The following CYP4Z1 variants were observed in gnomAD, a reference collection of about 807,000 sequenced individuals.
CYP4Z1 encodes cytochrome P450 family 4 subfamily Z member 1.
CYP4Z1 carries 41 observed loss-of-function variants against 54.2 expected under a neutral mutation model. The ratio of observed to expected loss-of-function variants is 0.76; its 90% CI spans 0.59 to 0.98. The LOEUF (loss-of-function observed/expected upper bound fraction) is 0.98. Among genes scored for constraint, CYP4Z1 ranks in the 50% least tolerant of loss-of-function variants. The pLI, the probability that CYP4Z1 is intolerant of heterozygous loss-of-function variation, is 0.00. For synonymous variants in CYP4Z1, 163 were observed against 206.2 expected (o/e 0.79, Z 1.79); for missense variants, 513 against 599.0 (o/e 0.86, Z 1.50).
chr1:47,062,988 C>T (rs1422535127), upstream of CYP4Z1, among the ~76,000 whole-genome samples: 1 of 152,230 alleles, frequency 6.6e-6, no homozygotes, highest in Admixed American at 6.5e-5. Flanking sequence ...GTCCACCTCA[C>T]CCCTCTGCTA....
chr1:47,060,015 A>T, the CYP4Z1 span, among the ~76,000 whole-genome samples: 1 of 152,212 alleles, frequency 6.6e-6, no homozygotes, highest in African/African-American at 2.4e-5. Context: ...AGTATGGCCA[A>T]GTTATGCTTG....
chr1:47,096,683 C>CA (rs1644679896), intron 7 of CYP4Z1: 1 of 149,158 alleles, frequency 6.7e-6, no homozygotes, highest in Admixed American at 6.7e-5. Context: ...GGCTGGAGTG[C>CA]AGTGGCGCGA....
intron 6 of CYP4Z1, among the ~76,000 whole-genome samples, chr1:47,089,362 G>A (rs551058479): frequency 1.1e-4 from 17 of 151,932 alleles, no homozygotes; most frequent in African/African-American, 4.1e-4. Context: ...TGCAGGATGT[G>A]CAGGATACGG....
intron 2 of CYP4Z1, among the ~76,000 whole-genome samples, chr1:47,079,940 T>G (rs61784347): frequency 6.0e-5 from 9 of 149,624 alleles, no homozygotes; most frequent in Non-Finnish European, 8.8e-5. Flanking sequence ...TTCTTACCCT[T>G]AGAACTCAAG....
chr1:47,061,705 C>T, the CYP4Z1 span, among the ~76,000 whole-genome samples: 1 of 152,108 alleles, frequency 6.6e-6, no homozygotes, highest in Non-Finnish European at 1.5e-5. Context: ...ATCCTGGTAC[C>T]AAAACCTGGC....
intron 11 of CYP4Z1, 88 bp downstream of exon 11, chr1:47,116,820 G>C: frequency 3.2e-6 from 3 of 935,038 alleles, no homozygotes; most frequent in Non-Finnish European, 4.9e-6. Context: ...TCAGTTAGCT[G>C]ACACTGCTGT....
At chr1:47,094,111 C>T (rs2148534335) in intron 6 of CYP4Z1, among the ~76,000 whole-genome samples, 1 of 152,272 alleles carries the variant, frequency 6.6e-6, no homozygotes, top group East Asian at 1.9e-4. Flanking sequence ...GGAATATTTT[C>T]AGTATTCCTC....
chr1:47,063,543 A>C (rs568321802), upstream of CYP4Z1, among the ~76,000 whole-genome samples: 2 of 152,106 alleles, frequency 1.3e-5, no homozygotes, highest in East Asian at 3.9e-4. Context: ...TGCACAAATA[A>C]AAAACAATCA....
At chr1:47,101,927 A>G (rs1644724900) in intron 8 of CYP4Z1, among the ~76,000 whole-genome samples, 1 of 152,136 alleles carries the variant, frequency 6.6e-6, no homozygotes, top group South Asian at 2.1e-4. Flanking sequence ...TTTGCTTTAT[A>G]TATCTGGGTC....
chr1:47,108,688 C>T (rs1644773465), intron 9 of CYP4Z1, among the ~76,000 whole-genome samples: 1 of 152,168 alleles, frequency 6.6e-6, no homozygotes, highest in African/African-American at 2.4e-5. Flanking sequence ...GCATATTAAA[C>T]ATTTGCTCTA....
At chr1:47,095,661 T>A (rs1644671773) in intron 7 of CYP4Z1, among the ~76,000 whole-genome samples, 1 of 152,178 alleles carries the variant, frequency 6.6e-6, no homozygotes, top group South Asian at 2.1e-4. Flanking sequence ...ACCTGTGGGG[T>A]ATTTATAAAT....
At chr1:47,113,303 C>T (rs1644806202) in intron 9 of CYP4Z1, among the ~76,000 whole-genome samples, 2 of 152,316 alleles carry the variant, frequency 1.3e-5, no homozygotes, top group South Asian at 4.1e-4. Flanking sequence ...TTTCATTATA[C>T]TCAGCTCAGC....
intron 9 of CYP4Z1, among the ~76,000 whole-genome samples, chr1:47,110,215 G>C (rs1569757481): frequency 1.3e-5 from 2 of 148,162 alleles, no homozygotes; most frequent in East Asian, 4.2e-4. Flanking sequence ...AGTGGAGAGG[G>C]ACATGGCCCA....
intron 6 of CYP4Z1, 101 bp from the exon 7 acceptor site, chr1:47,094,465 A>T (rs1294383395): frequency 7.7e-6 from 6 of 778,390 alleles, no homozygotes; most frequent in African/African-American, 1.8e-5. Context: ...GGGGGCAGCC[A>T]GGGGCTACCG....
chr1:47,063,612 G>A (rs1448152771), upstream of CYP4Z1, among the ~76,000 whole-genome samples: 1 of 151,736 alleles, frequency 6.6e-6, no homozygotes, highest in Admixed American at 6.6e-5. Context: ...GAAAGTCTCA[G>A]CAATAAAATC....
At chr1:47,102,024 CT>C (rs1168548465) in intron 8 of CYP4Z1, among the ~76,000 whole-genome samples, 1 of 152,042 alleles carries the variant, frequency 6.6e-6, no homozygotes, top group Non-Finnish European at 1.5e-5. Context: ...CTTTCTATGT[CT>C]TTTTTACTAC....
At position 47,099,291 on chromosome 1, in the gene CYP4Z1, C is replaced by T. The variant is rs759186544; in HGVS notation, c.1067+7C>T. ...ATGGGTCTTCTATTACCTGGTAAGA[C>T]CTGTATTCCTATTTCATCCTGAATT... is the stretch of plus-strand genomic sequence containing the variant. On this transcript the variant is annotated splice_region_variant and intron_variant, in intron 8 of 11. Transcript: ENST00000334194. 1.9e-6 allele frequency: 3 copies of T among 1,575,158 alleles called. No homozygotes were observed. The highest frequency in any genetic ancestry group is 2.6e-6 in the Non-Finnish European group (3 of 1,164,338).
intron 6 of CYP4Z1, among the ~76,000 whole-genome samples, chr1:47,089,518 TG>T (rs1644622968): frequency 6.6e-6 from 1 of 150,608 alleles, no homozygotes. Flanking sequence ...TTTCTGGTAA[TG>T]CACAGCGACA....
At chr1:47,067,717 AT>A in intron 1 of CYP4Z1, 50 bp downstream of exon 1, 1 of 1,495,444 alleles carries the variant, frequency 6.7e-7, no homozygotes, top group Non-Finnish European at 9.0e-7. Flanking sequence ...AAGATGAGGT[AT>A]TAAAAAAAAA....
Sources: allele counts gnomAD v4.1 joint callset (sites outside exome capture counted in the v4.1 genomes callset), GRCh38; gene constraint gnomAD v4.1.1; transcripts MANE v1.5; gene names NCBI Gene and HGNC (gene_info 2026-07-23, HGNC 2026-07-21).